RORA: variants seen among roughly 807,000 people sequenced by gnomAD.
The protein encoded by RORA is nuclear receptor ROR-alpha.
In RORA, 7 loss-of-function variants were observed where a neutral mutation model predicts 69.5. That is an observed-to-expected ratio of 0.10 (90% confidence interval 0.06 to 0.19). The LOEUF is 0.19. Ranked by LOEUF, RORA falls within the 10% of genes least tolerant of loss-of-function variation. The probability of loss-of-function intolerance (pLI) is 1.00; values close to 1 mark genes in which losing one functional copy is unlikely to be tolerated. For missense variants in RORA, 457 were observed against 663.0 expected (o/e 0.69, Z 3.41); for synonymous variants, 261 against 240.8 (o/e 1.08, Z -0.78).
At chr15:60,882,021 C>T (rs556896862) in intron 1 of RORA, among the ~76,000 whole-genome samples, 33 of 152,318 alleles carry the variant, frequency 2.2e-4, no homozygotes, top group African/African-American at 7.2e-4. Flanking sequence ...TGTCTTCCCG[C>T]GCACGTGTTG....
At chr15:61,053,420 A>G (rs1041965001) in intron 1 of RORA, among the ~76,000 whole-genome samples, 12 of 152,070 alleles carry the variant, frequency 7.9e-5, no homozygotes, top group Admixed American at 5.2e-4. Context: ...TAGGCCTCAC[A>G]CAGGTAACCC....
intron 1 of RORA, among the ~76,000 whole-genome samples, chr15:60,969,225 A>G (rs1346782553): frequency 6.6e-6 from 1 of 152,186 alleles, no homozygotes; most frequent in Non-Finnish European, 1.5e-5. Flanking sequence ...TTTGTAATTA[A>G]TAAGTCCTTT....
At chr15:61,080,157 C>T (rs142441541) in intron 1 of RORA, among the ~76,000 whole-genome samples, 114 of 152,242 alleles carry the variant, frequency 7.5e-4, no homozygotes, top group African/African-American at 2.5e-3. Flanking sequence ...CAGGGCTTCG[C>T]GCTCTTTTCC....
chr15:61,192,019 G>C (rs1053714425), intron 1 of RORA, among the ~76,000 whole-genome samples: 2 of 152,250 alleles, frequency 1.3e-5, no homozygotes, highest in Non-Finnish European at 2.9e-5. Context: ...TGGGTTGACA[G>C]AGCTACGTGT....
At chr15:60,979,740 G>GTT (rs1893984640) in intron 1 of RORA, among the ~76,000 whole-genome samples, 1 of 151,894 alleles carries the variant, frequency 6.6e-6, no homozygotes, top group East Asian at 1.9e-4. Flanking sequence ...ATGTGTGTGT[G>GTT]TGTGTGTGCA....
In RORA at chr15:60,494,140, A is replaced by G. The variant is rs1040467091; in HGVS notation, c.*3315T>C. 2 of 152,010 alleles carry G rather than the reference A, an allele frequency of 1.3e-5. No individual in the cohort carries two copies. The highest frequency in any genetic ancestry group is 2.9e-5 in the Non-Finnish European group (2 of 68,026). 9.4% of individuals were successfully genotyped at this position (152,010 alleles called of 1,614,324 possible). On this transcript the variant is annotated 3_prime_UTR_variant, in exon 11 of 11. Transcript: ENST00000335670. ...AATTAGGATGCTGAAGACTTTAAAAAAAAATCCATAGCTTTAATACACGTT... is the reference window on the plus strand; with the variant it reads ...AATTAGGATGCTGAAGACTTTAAAAGAAAATCCATAGCTTTAATACACGTT...
chr15:60,760,263 C>G (rs2071867243), intron 1 of RORA, among the ~76,000 whole-genome samples: 1 of 152,108 alleles, frequency 6.6e-6, no homozygotes, highest in African/African-American at 2.4e-5. Flanking sequence ...TAAACATTCT[C>G]TGGCACCTAG....
At chr15:61,202,560 A>T (rs1169345401) in intron 1 of RORA, among the ~76,000 whole-genome samples, 2 of 152,102 alleles carry the variant, frequency 1.3e-5, no homozygotes, top group African/African-American at 4.8e-5. Flanking sequence ...ATACCCTAGG[A>T]GGGTAGGGCC....
At chr15:60,532,506 A>C (rs1432528531) in intron 2 of RORA, among the ~76,000 whole-genome samples, 1 of 152,188 alleles carries the variant, frequency 6.6e-6, no homozygotes, top group Non-Finnish European at 1.5e-5. Flanking sequence ...CTGGAAATTT[A>C]GTTCCTGGTA....
At position 60,604,051 on chromosome 15, in the gene RORA, T is replaced by C. The variant is rs569420218; in HGVS notation, c.197-72200A>G. Among the ~76,000 whole-genome samples, 10 of 149,728 alleles carry C rather than the reference T, an allele frequency of 6.7e-5. No homozygotes were observed. In the East Asian group the frequency reaches 2.0e-3, roughly 30 times the overall value. Reference sequence around the variant, plus strand: ...AGGAGGCTGAGGCAGGAGAATCGCTTGACCCTGGGAGGCGTAGGTTGCAGA... The same window carrying C: ...AGGAGGCTGAGGCAGGAGAATCGCTCGACCCTGGGAGGCGTAGGTTGCAGA... On this transcript the variant is annotated intron_variant, in intron 2 of 10. Coordinates refer to ENST00000335670, the MANE Select transcript of RORA (RefSeq NM_134261.3).
chr15:61,029,804 G>A (rs1246318078), intron 1 of RORA, among the ~76,000 whole-genome samples: 1 of 152,146 alleles, frequency 6.6e-6, no homozygotes, highest in Non-Finnish European at 1.5e-5. Flanking sequence ...AATGAGTCTG[G>A]TTTTAGACAT....
intron 1 of RORA, among the ~76,000 whole-genome samples, chr15:60,996,769 G>A (rs545313177): frequency 1.2e-4 from 19 of 152,216 alleles, no homozygotes; most frequent in Admixed American, 7.9e-4. Context: ...AATTAGCCGG[G>A]AGTGGTGGCA....
intron 1 of RORA, among the ~76,000 whole-genome samples, chr15:60,804,720 ACAAC>A (rs1303724499): frequency 5.3e-5 from 8 of 152,340 alleles, no homozygotes; most frequent in Admixed American, 5.2e-4. Flanking sequence ...ATGAGATTAA[ACAAC>A]CGATTTCAAG....
chr15:61,064,813 G>C (rs961971369), intron 1 of RORA, among the ~76,000 whole-genome samples: 4 of 152,040 alleles, frequency 2.6e-5, no homozygotes, highest in Non-Finnish European at 2.9e-5. Flanking sequence ...CAGAACTCTA[G>C]AATTTCTAGG....
chr15:60,504,316 G>A (rs2065425550), intron 6 of RORA, among the ~76,000 whole-genome samples: 1 of 151,846 alleles, frequency 6.6e-6, no homozygotes, highest in South Asian at 2.1e-4. Flanking sequence ...GGAGGCCGAG[G>A]CAGGGGGATC....
intron 1 of RORA, among the ~76,000 whole-genome samples, chr15:60,961,924 C>A (rs183564144): frequency 8.5e-5 from 13 of 152,102 alleles, no homozygotes; most frequent in African/African-American, 3.1e-4. Context: ...ACACGGAAGG[C>A]CTGCGAATAT....
At chr15:61,119,084 G>GGT (rs1555412576) in intron 1 of RORA, among the ~76,000 whole-genome samples, 3 of 147,526 alleles carry the variant, frequency 2.0e-5, no homozygotes, top group African/African-American at 7.5e-5. Context: ...TAACAGAAGG[G>GGT]GGGGGGGGGC....
At chr15:61,194,527 C>T (rs141990809) in intron 1 of RORA, among the ~76,000 whole-genome samples, 1 of 139,840 alleles carries the variant, frequency 7.2e-6, no homozygotes, top group African/African-American at 2.6e-5. Flanking sequence ...TGTGCCACTG[C>T]ACTCCAGCCT....
intron 1 of RORA, among the ~76,000 whole-genome samples, chr15:61,008,009 C>T (rs1449964823): frequency 6.6e-6 from 1 of 151,312 alleles, no homozygotes; most frequent in Non-Finnish European, 1.5e-5. Context: ...AACATTTACA[C>T]CAAAATAGTA....
Sources: gnomAD v4.1 joint callset for allele counts (sites outside exome capture counted in the v4.1 genomes callset) on GRCh38, gnomAD v4.1.1 for gene constraint, MANE v1.5 for transcripts, NCBI Gene and HGNC (gene_info 2026-07-23, HGNC 2026-07-21) for gene names.